Variants in PDE10A observed in about 807,000 individuals in gnomAD.
PDE10A encodes the protein cAMP and cAMP-inhibited cGMP 3',5'-cyclic phosphodiesterase 10A.
A neutral mutation model predicts 97.7 loss-of-function variants in PDE10A; 39 were observed. That is an observed-to-expected ratio of 0.40 (90% CI 0.31 to 0.52). The LOEUF is 0.52. Among genes scored for constraint, PDE10A ranks in the 20% least tolerant of loss-of-function variants. PDE10A has a pLI of 0.56. For missense variants in PDE10A, 731 were observed against 1,047.8 expected (o/e 0.70, Z 4.17); for synonymous variants, 371 against 376.8 (o/e 0.98, Z 0.18).
At chr6:165,631,391 C>T (rs2128414803) in intron 1 of PDE10A, among the ~76,000 whole-genome samples, 1 of 152,284 alleles carries the variant, frequency 6.6e-6, no homozygotes, top group Admixed American at 6.5e-5. Flanking sequence ...ACTGAAGTTG[C>T]TAGGTCCAAA....
chr6:165,619,685 T>C (rs965056204), intron 1 of PDE10A, among the ~76,000 whole-genome samples: 1 of 144,814 alleles, frequency 6.9e-6, no homozygotes, highest in Non-Finnish European at 1.5e-5. Flanking sequence ...TAGTCTAGTG[T>C]AGTGTAGTGT....
At chr6:165,791,147 C>T (rs1778639627) in intron 1 of PDE10A, among the ~76,000 whole-genome samples, 1 of 151,968 alleles carries the variant, frequency 6.6e-6, no homozygotes, top group Non-Finnish European at 1.5e-5. Flanking sequence ...GGGGGTCTCA[C>T]TATGTTGTCC....
At chr6:165,517,108 T>A (rs1307321423) in intron 2 of PDE10A, among the ~76,000 whole-genome samples, 3 of 152,200 alleles carry the variant, frequency 2.0e-5, no homozygotes, top group Non-Finnish European at 4.4e-5. Context: ...ACACACCTCT[T>A]GTGTCCAACA....
At chr6:165,342,737 A>G (rs1176161977) in intron 19 of PDE10A, among the ~76,000 whole-genome samples, 2 of 152,356 alleles carry the variant, frequency 1.3e-5, no homozygotes, top group East Asian at 1.9e-4. Flanking sequence ...AGGCCTAGGT[A>G]TCCGTGACTC....
At chr6:165,642,438 G>A (rs940858230) in intron 1 of PDE10A, among the ~76,000 whole-genome samples, 2 of 152,216 alleles carry the variant, frequency 1.3e-5, no homozygotes, top group African/African-American at 4.8e-5. Context: ...GAGGGACACA[G>A]CCACATTAAC....
At chr6:165,718,360 A>T in intron 1 of PDE10A, 1 of 152,252 alleles carries the variant, frequency 6.6e-6, no homozygotes, top group East Asian at 1.9e-4. Context: ...TCTTGAAAAA[A>T]TACATTATCA....
chr6:165,907,547 G>A (rs369688501), intron 1 of PDE10A, among the ~76,000 whole-genome samples: 2 of 152,368 alleles, frequency 1.3e-5, no homozygotes, highest in African/African-American at 4.8e-5. Flanking sequence ...GTCACTGGCC[G>A]CCCTGAAGTT....
intron 1 of PDE10A, among the ~76,000 whole-genome samples, chr6:165,803,906 T>A (rs1329010682): frequency 6.6e-6 from 1 of 152,216 alleles, no homozygotes; most frequent in Non-Finnish European, 1.5e-5. Context: ...GGTCTCATCA[T>A]CTGCCTCCCT....
chr6:165,536,110 T>C (rs751431188), intron 2 of PDE10A, among the ~76,000 whole-genome samples: 10 of 151,950 alleles, frequency 6.6e-5, no homozygotes, highest in Non-Finnish European at 1.0e-4. Context: ...TACTAGCATA[T>C]AAACAGACAT....
At chr6:165,486,576 G>A (rs924137935) in intron 2 of PDE10A, among the ~76,000 whole-genome samples, 3 of 152,184 alleles carry the variant, frequency 2.0e-5, no homozygotes, top group Admixed American at 6.5e-5. Flanking sequence ...ATTAAAGTAC[G>A]TGCCCTTAAC....
intron 2 of PDE10A, among the ~76,000 whole-genome samples, chr6:165,483,453 AGG>A (rs1465650320): frequency 1.3e-5 from 2 of 152,206 alleles, no homozygotes; most frequent in African/African-American, 4.8e-5. Context: ...CAATTGTCAT[AGG>A]GAAAATATCT....
intron 2 of PDE10A, among the ~76,000 whole-genome samples, chr6:165,492,594 T>G (rs527924473): frequency 1.3e-5 from 2 of 152,196 alleles, no homozygotes; most frequent in African/African-American, 4.8e-5. Context: ...AAAAATCACA[T>G]GATCAACTCA....
At chr6:165,896,052 C>T (rs959443699) in intron 1 of PDE10A, among the ~76,000 whole-genome samples, 6 of 152,192 alleles carry the variant, frequency 3.9e-5, no homozygotes, top group Non-Finnish European at 5.9e-5. Flanking sequence ...GCTTCAACTG[C>T]AGAAGCAAAG....
intron 1 of PDE10A, among the ~76,000 whole-genome samples, chr6:165,740,888 G>T (rs1490880596): frequency 2.0e-5 from 3 of 152,170 alleles, no homozygotes; most frequent in Admixed American, 2.0e-4. Flanking sequence ...AGAAGATGGG[G>T]AGATGTTGGT....
chr6:165,709,376 G>T (rs1468305844), intron 1 of PDE10A, among the ~76,000 whole-genome samples: 1 of 90,888 alleles, frequency 1.1e-5, no homozygotes, highest in East Asian at 3.8e-4. Flanking sequence ...CGCTCTCCCC[G>T]TACCCTCCAC....
intron 1 of PDE10A, among the ~76,000 whole-genome samples, chr6:165,631,499 C>T (rs891523369): frequency 6.6e-6 from 1 of 152,074 alleles, no homozygotes; most frequent in Non-Finnish European, 1.5e-5. Flanking sequence ...ACAATTTGGA[C>T]AAAAGTAAAC....
At position 165,589,502 on chromosome 6, in the gene PDE10A, C is replaced by A. The variant is rs73251506; in HGVS notation, c.866-45934G>T. Among the ~76,000 whole-genome samples, 679 of 152,240 alleles carry A rather than the reference C, an allele frequency of 4.5e-3. 5 individuals are homozygous for A. Among genetic ancestry groups the A allele is most frequent in the African/African-American group, 0.016 (658 of 41,550 alleles). On this transcript the variant is annotated intron_variant, in intron 1 of 21. Coordinates refer to ENST00000539869, the MANE Select transcript of PDE10A (RefSeq NM_001385079.1). ...TCAAAAATGAAAATGAACACTAGAA[C>A]CTTTTTTTAAACTTTGAAAATCAAG...
chr6:165,965,256 G>A (rs907794452), intron 1 of PDE10A, among the ~76,000 whole-genome samples: 12 of 152,154 alleles, frequency 7.9e-5, no homozygotes, highest in Admixed American at 1.3e-4. Flanking sequence ...TGGGACTTAC[G>A]CAACTGTCCA....
chr6:165,972,281 G>A (rs778602478), intron 1 of PDE10A, among the ~76,000 whole-genome samples: 2 of 151,918 alleles, frequency 1.3e-5, no homozygotes, highest in South Asian at 2.1e-4. Context: ...GAGAACTCGC[G>A]GTACCAGCAG....
Sources: allele counts gnomAD v4.1 joint callset (sites outside exome capture counted in the v4.1 genomes callset), GRCh38; gene constraint gnomAD v4.1.1; transcripts MANE v1.5; gene names NCBI Gene and HGNC (gene_info 2026-07-23, HGNC 2026-07-21).